XYLT1: variants seen among roughly 807,000 people sequenced by gnomAD.
XYLT1 encodes the protein xylosyltransferase 1, also known as beta-D-xylosyltransferase 1.
A neutral mutation model predicts 91.3 loss-of-function variants in XYLT1; 36 were observed. The ratio of observed to expected loss-of-function variants is 0.39; its 90% CI spans 0.30 to 0.52. The LOEUF is 0.52. XYLT1 is among the 20% of genes least tolerant of loss of function. XYLT1 has a pLI of 0.68. For synonymous variants in XYLT1, 588 were observed against 532.0 expected (o/e 1.11, Z -1.45); for missense variants, 1,242 against 1,284.5 (o/e 0.97, Z 0.51).
intron 3 of XYLT1, among the ~76,000 whole-genome samples, chr16:17,206,799 T>C (rs934113928): frequency 5.9e-5 from 9 of 152,114 alleles, no homozygotes; most frequent in African/African-American, 2.2e-4. Flanking sequence ...TCAAATGTGA[T>C]CTCATTATTT....
rs554749334 is a variant in XYLT1, at chr16:17,354,419, A to G, written c.402+3593T>C. Among the ~76,000 whole-genome samples, 500 of 152,292 alleles carry G rather than the reference A, an allele frequency of 3.3e-3. 2 individuals are homozygous for G. The highest frequency in any genetic ancestry group is 5.7e-3 in the Non-Finnish European group (391 of 68,020). On this transcript the variant is annotated intron_variant, in intron 2 of 11. Coordinates refer to ENST00000261381, the MANE Select transcript of XYLT1 (RefSeq NM_022166.4). ...AGAACAGCTGCACAGGGACAGATTA[A>G]CCAAGCGATGGCTGAGGACCGTTGC...
At position 17,376,985 on chromosome 16, in the gene XYLT1, T is replaced by C. The variant is rs138844625; in HGVS notation, c.364-18935A>G. Among the ~76,000 whole-genome samples the C allele has an allele frequency of 9.8e-4, 149 of 152,218 alleles. 4 individuals carry two copies. The East Asian group carries it at 0.024, about 25-fold the overall frequency. On this transcript the variant is annotated intron_variant, in intron 1 of 11. Coordinates refer to ENST00000261381, the MANE Select transcript of XYLT1 (RefSeq NM_022166.4). ...TTAGGTCAGAAGTTCGAGACCAGCC[T>C]GGCCAATATGGTGAAACACCATTTC...
intron 5 of XYLT1, among the ~76,000 whole-genome samples, chr16:17,175,073 C>A (rs1363072432): frequency 6.6e-6 from 1 of 152,164 alleles, no homozygotes; most frequent in Non-Finnish European, 1.5e-5. Flanking sequence ...ATCCAGCCAA[C>A]ATATTTTAAT....
intron 1 of XYLT1, among the ~76,000 whole-genome samples, chr16:17,387,810 G>A (rs2035765481): frequency 6.6e-6 from 1 of 152,124 alleles, no homozygotes; most frequent in South Asian, 2.1e-4. Context: ...CTCAACATTG[G>A]CATGCCTATT....
At chr16:17,425,111 C>T (rs2036299504) in intron 1 of XYLT1, among the ~76,000 whole-genome samples, 1 of 152,160 alleles carries the variant, frequency 6.6e-6, no homozygotes, top group South Asian at 2.1e-4. Context: ...TTCCCAACAC[C>T]AGGGTGGTAA....
chr16:17,368,687 C>T (rs1340478342), intron 1 of XYLT1, among the ~76,000 whole-genome samples: 1 of 151,372 alleles, frequency 6.6e-6, no homozygotes, highest in Non-Finnish European at 1.5e-5. Context: ...TGGGCTCAAG[C>T]AATCCTTCCA....
At chr16:17,163,919 T>G (rs1009907031) in intron 5 of XYLT1, among the ~76,000 whole-genome samples, 1 of 151,570 alleles carries the variant, frequency 6.6e-6, no homozygotes, top group African/African-American at 2.4e-5. Context: ...TGTGGTGGCA[T>G]GCGCCTGTGA....
intron 5 of XYLT1, among the ~76,000 whole-genome samples, chr16:17,164,965 C>T (rs2031642919): frequency 6.6e-6 from 1 of 152,164 alleles, no homozygotes; most frequent in Non-Finnish European, 1.5e-5. Context: ...CACATGGCTC[C>T]ATTGAGGGCT....
intron 1 of XYLT1, among the ~76,000 whole-genome samples, chr16:17,364,071 T>G (rs1376504672): frequency 6.6e-6 from 1 of 152,136 alleles, no homozygotes; most frequent in African/African-American, 2.4e-5. Flanking sequence ...TATCTCCAAA[T>G]AGTCACATTT....
chr16:17,332,388 C>G (rs1449382703), intron 2 of XYLT1, among the ~76,000 whole-genome samples: 1 of 152,064 alleles, frequency 6.6e-6, no homozygotes, highest in Non-Finnish European at 1.5e-5. Context: ...ATGGGGAAAC[C>G]CTGACTCTAC....
chr16:17,212,742 A>T (rs1266871559), intron 3 of XYLT1, among the ~76,000 whole-genome samples: 1 of 152,172 alleles, frequency 6.6e-6, no homozygotes, highest in African/African-American at 2.4e-5. Context: ...TATTGTTCAG[A>T]GCCCTGGGAT....
chr16:17,265,794 G>C (rs2033795338), intron 2 of XYLT1, among the ~76,000 whole-genome samples: 1 of 150,000 alleles, frequency 6.7e-6, no homozygotes, highest in Non-Finnish European at 1.5e-5. Context: ...TCAATACTTA[G>C]TCTACTGAAT....
chr16:17,440,980 G>C (rs1273769492), intron 1 of XYLT1, among the ~76,000 whole-genome samples: 1 of 152,102 alleles, frequency 6.6e-6, no homozygotes. Flanking sequence ...CCTATGTTCT[G>C]ATGGCTGAAT....
chr16:17,119,670 A>G (rs77804019), intron 10 of XYLT1, among the ~76,000 whole-genome samples: 1,668 of 152,282 alleles, frequency 0.011, 43 homozygotes, highest in East Asian at 0.075. Flanking sequence ...ATACTCCCAA[A>G]TCCATAAAGG....
intron 1 of XYLT1, among the ~76,000 whole-genome samples, chr16:17,373,494 G>C (rs770236022): frequency 2.0e-5 from 3 of 151,574 alleles, no homozygotes; most frequent in Non-Finnish European, 4.4e-5. Context: ...TGTAGTACAC[G>C]TGTTTCATTC....
chr16:17,371,614 C>T (rs754373757), intron 1 of XYLT1, among the ~76,000 whole-genome samples: 4 of 152,150 alleles, frequency 2.6e-5, no homozygotes, highest in Non-Finnish European at 4.4e-5. Context: ...AGGTACTATA[C>T]GTACTAATTT....
intron 3 of XYLT1, among the ~76,000 whole-genome samples, chr16:17,239,022 C>T (rs1347961627): frequency 6.6e-6 from 1 of 152,190 alleles, no homozygotes; most frequent in Middle Eastern, 3.2e-3. Flanking sequence ...TCTTCGATTC[C>T]TCCCCAGCCT....
intron 9 of XYLT1, among the ~76,000 whole-genome samples, chr16:17,128,787 G>A (rs1232553805): frequency 6.6e-6 from 1 of 152,216 alleles, no homozygotes; most frequent in Non-Finnish European, 1.5e-5. Flanking sequence ...CAAAAAAGGA[G>A]TACCTCGGAG....
chr16:17,214,115 C>T (rs2032812169), intron 3 of XYLT1, among the ~76,000 whole-genome samples: 1 of 152,286 alleles, frequency 6.6e-6, no homozygotes, highest in South Asian at 2.1e-4. Context: ...TTCCCAGTGC[C>T]CCCTAGGGGA....
Sources: gnomAD v4.1 joint callset for allele counts (sites outside exome capture counted in the v4.1 genomes callset) on GRCh38, gnomAD v4.1.1 for gene constraint, MANE v1.5 for transcripts, NCBI Gene and HGNC (gene_info 2026-07-23, HGNC 2026-07-21) for gene names.